The following WSB2 variants were observed in gnomAD, a reference collection of about 807,000 sequenced individuals.
The protein encoded by WSB2 is WD repeat and SOCS box containing 2, also known as WD repeat and SOCS box-containing protein 2.
In WSB2, 12 loss-of-function variants were observed where a neutral mutation model predicts 48.8. The observed-to-expected ratio is 0.25, with a 90% confidence interval of 0.16 to 0.40. WSB2 has a LOEUF of 0.40. Among genes scored for constraint, WSB2 ranks in the 10% least tolerant of loss-of-function variants. The pLI is 1.00. For missense variants in WSB2, 317 were observed against 506.2 expected, an observed-to-expected ratio of 0.63 and a Z score of 3.59; for synonymous variants, 191 against 203.1, an observed-to-expected ratio of 0.94 and a Z score of 0.51.
chr12:118,039,325 G>A (rs2031578957), intron 4 of WSB2, among the ~76,000 whole-genome samples: 1 of 152,186 alleles, frequency 6.6e-6, no homozygotes, highest in African/African-American at 2.4e-5. Context: ...TATAGAGGAT[G>A]GGTGAATAAA....
chr12:118,052,629 G>A, intron 1 of WSB2, 151 bp from the exon 2 acceptor site: 1 of 1,125,732 alleles, frequency 8.9e-7, no homozygotes, highest in Non-Finnish European at 1.2e-6. Context: ...AATAACAGCA[G>A]CCACAGGCCA....
chr12:118,040,606 C>T (rs1025095988), intron 4 of WSB2, among the ~76,000 whole-genome samples: 3 of 149,732 alleles, frequency 2.0e-5, no homozygotes, highest in Non-Finnish European at 3.0e-5. Context: ...ACTAAAAATA[C>T]GAAAATTAGC....
rs774293317 is a variant in WSB2, at chr12:118,042,885, G to A, written c.515C>T (p.Ala172Val). The A allele has an allele frequency of 3.7e-6, 6 of 1,614,028 alleles. No homozygotes were observed. The highest frequency in any genetic ancestry group is 2.2e-5 in the East Asian group (1 of 44,896). The change falls in exon 4 of 9, where the codon GCG becomes GTG. Residue 172 changes from alanine to valine, a missense_variant. By Grantham distance (64) the Ala-to-Val change is moderately conservative. Around this residue, in one of 2 missense-constraint regions of WSB2, gnomAD observed 189 missense variants for 349.6 expected, o/e 0.54. Coordinates refer to ENST00000315436, the MANE Select transcript of WSB2 (RefSeq NM_018639.5). ...GATGCGAAGAGTCTTATCCCGTGAC[G>A]CGGAGACCAAAATCAAACTGCCACT... ...TPSGSLILVS[A>V]SRDKTLRIWD...
At chr12:118,036,286 G>A in intron 6 of WSB2, 52 bp downstream of exon 6, 5 of 1,578,568 alleles carry the variant, frequency 3.2e-6, no homozygotes, top group East Asian at 2.3e-5. Context: ...TCCCAGGCAG[G>A]TTCCTCATCA....
chr12:118,050,254 G>C (rs1405430678), intron 2 of WSB2, among the ~76,000 whole-genome samples: 1 of 152,170 alleles, frequency 6.6e-6, no homozygotes, highest in East Asian at 1.9e-4. Context: ...GAGTTGCCCT[G>C]GGACAAATGA....
chr12:118,054,610 G>A (rs183394637), intron 1 of WSB2, among the ~76,000 whole-genome samples: 20 of 151,934 alleles, frequency 1.3e-4, no homozygotes, highest in Admixed American at 9.8e-4. Flanking sequence ...GCGGAAGGCA[G>A]AGGTTGCGGT....
At position 118,035,293 on chromosome 12, in the gene WSB2, T is replaced by C. The variant is rs778289414; in HGVS notation, c.865A>G (p.Ser289Gly). ...HTQVDPAMDD[S>G]DVHISSLRSV... Reference sequence around the variant, plus strand: ...CTCAGTGAGCTAATGTGGACGTCACTGTCATCCATGGCGGGGTCAACCTGG... The same window carrying C: ...CTCAGTGAGCTAATGTGGACGTCACCGTCATCCATGGCGGGGTCAACCTGG... The change falls in exon 7 of 9, where the codon AGT becomes GGT. Residue 289 changes from serine to glycine, a missense_variant. Ser to Gly is a moderately conservative substitution (Grantham distance 56). Coordinates refer to ENST00000315436, the MANE Select transcript of WSB2 (RefSeq NM_018639.5). 9 of 1,614,212 alleles carry C rather than the reference T, an allele frequency of 5.6e-6. No homozygotes were observed. The South Asian group carries it at 9.9e-5, about 18-fold the overall frequency.
chr12:118,058,125 C>G (rs550756611), intron 1 of WSB2, among the ~76,000 whole-genome samples: 79 of 152,192 alleles, frequency 5.2e-4, no homozygotes, highest in African/African-American at 1.8e-3. Context: ...TAAGCCTCTT[C>G]TAGGCAAAGC....
intron 1 of WSB2, among the ~76,000 whole-genome samples, chr12:118,054,735 GA>G (rs1172155300): frequency 6.7e-6 from 1 of 150,198 alleles, no homozygotes; most frequent in Non-Finnish European, 1.5e-5. Flanking sequence ...GCATTTATAG[GA>G]AAATAATAAC....
In WSB2 at chr12:118,061,027, C is replaced by A; in HGVS notation, c.13+9G>T. The A allele has an allele frequency of 2.0e-6, 2 of 985,976 alleles. No individual in the cohort carries two copies. The highest frequency in any genetic ancestry group is 2.4e-6 in the Non-Finnish European group (2 of 830,588). The allele number at this position is 985,976 out of a possible 1,614,324, so 61.1% of individuals were successfully genotyped here. On this transcript the variant is annotated intron_variant, in intron 1 of 8. Coordinates refer to ENST00000315436, the MANE Select transcript of WSB2 (RefSeq NM_018639.5). Reference sequence around the variant, plus strand: ...CCGGGCGGGAACGGGCGCGCCCGGCCCCACTCACCTCCGGCCTCCATGGAG... The same window carrying A: ...CCGGGCGGGAACGGGCGCGCCCGGCACCACTCACCTCCGGCCTCCATGGAG...
At chr12:118,038,628 A>C (rs2031564571) in intron 4 of WSB2, among the ~76,000 whole-genome samples, 1 of 152,200 alleles carries the variant, frequency 6.6e-6, no homozygotes, top group Non-Finnish European at 1.5e-5. Context: ...CTATGGCTTC[A>C]ACACAATCTA....
intron 6 of WSB2, 104 bp downstream of exon 6, chr12:118,036,234 T>G: frequency 1.5e-6 from 2 of 1,354,696 alleles, no homozygotes; most frequent in South Asian, 1.4e-5. Flanking sequence ...TTATCCAGCT[T>G]GTCCCCTCCC....
chr12:118,044,453 C>T (rs190648757), intron 2 of WSB2, among the ~76,000 whole-genome samples: 1 of 152,230 alleles, frequency 6.6e-6, no homozygotes, highest in East Asian at 1.9e-4. Flanking sequence ...TTGCCAACAC[C>T]GTTTGTTTGG....
In WSB2 at chr12:118,035,074, G is replaced by A. The variant is rs144854804; in HGVS notation, c.964C>T (p.Leu322=). The part of the protein sequence containing the change: ...ADDRLLRIWA[L]ELKTPIAFAP... The stretch of plus-strand genomic sequence containing the variant: ...AATGCAATGGGAGTTTTCAGTTCCA[G>A]GGCCCAGATCCTGAGGAGTCTGGAT... The change falls in exon 8 of 9, where the codon CTG becomes TTG. Residue 322 remains leucine, a synonymous_variant. Coordinates refer to ENST00000315436, the MANE Select transcript of WSB2 (RefSeq NM_018639.5). The A allele has an allele frequency of 2.5e-6, 4 of 1,614,218 alleles. No individual in the cohort carries two copies. The highest frequency in any genetic ancestry group is 1.3e-5 in the African/African-American group (1 of 75,054).
chr12:118,036,197 G>A (rs777391097), intron 6 of WSB2, 141 bp downstream of exon 6: 142 of 1,023,706 alleles, frequency 1.4e-4, no homozygotes, highest in Non-Finnish European at 1.7e-4. Flanking sequence ...GCGAGACTCC[G>A]TCTCAAAAGA....
intron 1 of WSB2, among the ~76,000 whole-genome samples, chr12:118,055,866 C>T (rs978277453): frequency 2.0e-5 from 3 of 151,402 alleles, no homozygotes; most frequent in Non-Finnish European, 2.9e-5. Flanking sequence ...CCGCCCACCT[C>T]GGACTCCCAA....
Position 118,060,216 on chromosome 12 carries a change from A to AT in WSB2, c.13+819dup, listed in dbSNP as rs1400971342. The stretch of plus-strand genomic sequence containing the variant: ...CGTCTTGGGGTTTTTTTCCCCTTGC[A>AT]TAAGAGACACACCTTTCCCACTGAG... On this transcript the variant is annotated intron_variant, in intron 1 of 8. Transcript: ENST00000315436. This position sits in a 1 kb window ranked among gnomAD's most constrained non-coding sequence, Gnocchi z 4.1. Among the ~76,000 whole-genome samples, 1 of 152,144 alleles carries AT rather than the reference A, an allele frequency of 6.6e-6. No individual in the cohort carries two copies. The highest frequency in any genetic ancestry group is 1.5e-5 in the Non-Finnish European group (1 of 68,018).
chr12:118,036,995 A>C (rs2031526012), intron 5 of WSB2, among the ~76,000 whole-genome samples: 2 of 152,322 alleles, frequency 1.3e-5, no homozygotes, highest in Admixed American at 1.3e-4. Context: ...CAGCTTGGTC[A>C]ACATGGCAAA....
At chr12:118,043,683 G>A (rs1249506490) in intron 2 of WSB2, among the ~76,000 whole-genome samples, 2 of 152,266 alleles carry the variant, frequency 1.3e-5, no homozygotes, top group South Asian at 2.1e-4. Context: ...CTGAGCTCAA[G>A]TGATCTGCCC....
Sources: allele counts gnomAD v4.1 joint callset (sites outside exome capture counted in the v4.1 genomes callset), GRCh38; gene constraint gnomAD v4.1.1; regional missense constraint gnomAD v4.1.1; non-coding constraint Gnocchi (gnomAD v3.1); transcripts MANE v1.5; gene names NCBI Gene and HGNC (gene_info 2026-07-23, HGNC 2026-07-21).